The following NRG1 variants were observed in gnomAD, a reference collection of about 807,000 sequenced individuals.
The protein encoded by NRG1 is pro-neuregulin-1, membrane-bound isoform.
A neutral mutation model predicts 63.8 loss-of-function variants in NRG1; 18 were observed. The observed-to-expected ratio is 0.28, with a 90% CI of 0.19 to 0.42. NRG1 has a LOEUF of 0.42. NRG1 is among the 10% of genes least tolerant of loss of function. The pLI is 1.00. For synonymous variants in NRG1, 302 were observed against 301.3 expected (o/e 1.00, Z -0.02); for missense variants, 762 against 814.7 (o/e 0.94, Z 0.79).
chr8:31,639,335 G>GCGGGGA, exon 1 of NRG1: 2 of 1,530,864 alleles, frequency 1.3e-6, no homozygotes, highest in Non-Finnish European at 1.7e-6. Flanking sequence ...GAGGAGGCGC[G>GCGGGGA]CGGGGACGGG....
intron 1 of NRG1, among the ~76,000 whole-genome samples, chr8:32,091,007 C>T (rs535267221): frequency 2.2e-4 from 33 of 152,260 alleles, no homozygotes; most frequent in African/African-American, 6.0e-4. Flanking sequence ...GGGCCGGGCG[C>T]GGTGGCTCAC....
intron 1 of NRG1, among the ~76,000 whole-genome samples, chr8:32,362,087 A>G (rs948693774): frequency 7.8e-4 from 118 of 152,194 alleles, no homozygotes; most frequent in African/African-American, 2.7e-3. Context: ...CCTAGTTTAG[A>G]TGGAATCATA....
chr8:32,499,990 A>G (rs1295843481), intron 1 of NRG1, among the ~76,000 whole-genome samples: 2 of 152,222 alleles, frequency 1.3e-5, no homozygotes, highest in East Asian at 3.9e-4. Flanking sequence ...AAATATCTCA[A>G]TGATAATGAA....
chr8:32,484,840 A>T (rs2129493788), intron 1 of NRG1, among the ~76,000 whole-genome samples: 1 of 152,322 alleles, frequency 6.6e-6, no homozygotes, highest in Admixed American at 6.5e-5. Context: ...CTTAAAATTT[A>T]TATGAATTAA....
chr8:32,488,798 G>A (rs962816829), intron 1 of NRG1, among the ~76,000 whole-genome samples: 2 of 152,190 alleles, frequency 1.3e-5, no homozygotes, highest in African/African-American at 4.8e-5. Context: ...GAAATCTGTA[G>A]CATCTAGATC....
Position 31,918,979 on chromosome 8 carries a change from T to C in NRG1, c.37+279548T>C, listed in dbSNP as rs184590329. On this transcript the variant is annotated intron_variant, in intron 1 of 10. Coordinates refer to the NRG1 transcript ENST00000519301. ...TATCCATTTCTTCTAGATTTTCTAG[T>C]TTATTTGCATAGAGGTGTTTGTAGT... Among the ~76,000 whole-genome samples the C allele has an allele frequency of 4.9e-3, 741 of 152,304 alleles. 9 individuals carry two copies. The highest frequency in any genetic ancestry group is 0.017 in the African/African-American group (700 of 41,554).
chr8:32,426,659 A>G (rs1040201078), intron 1 of NRG1, among the ~76,000 whole-genome samples: 5 of 152,176 alleles, frequency 3.3e-5, no homozygotes, highest in African/African-American at 1.2e-4. Flanking sequence ...CACCCTACAC[A>G]CACACAATGC....
At chr8:32,095,005 T>C (rs1182764670) in intron 1 of NRG1, among the ~76,000 whole-genome samples, 3 of 151,400 alleles carry the variant, frequency 2.0e-5, no homozygotes, top group African/African-American at 7.3e-5. Flanking sequence ...TCTGTCTCCC[T>C]GGTTCAAGCG....
chr8:32,223,491 A>G (rs1295896330), intron 1 of NRG1, among the ~76,000 whole-genome samples: 1 of 152,142 alleles, frequency 6.6e-6, no homozygotes, highest in East Asian at 1.9e-4. Context: ...AACCCCTCTG[A>G]ACCTTGGTTT....
At chr8:32,741,848 G>A (rs1826381586) in intron 6 of NRG1, among the ~76,000 whole-genome samples, 160 bp from the exon 7 acceptor site, 1 of 152,098 alleles carries the variant, frequency 6.6e-6, no homozygotes, top group African/African-American at 2.4e-5. Flanking sequence ...CAGTTTTCGT[G>A]GGACATGGTT....
intron 1 of NRG1, among the ~76,000 whole-genome samples, chr8:32,151,974 C>G (rs888267976): frequency 6.6e-6 from 1 of 152,112 alleles, no homozygotes; most frequent in African/African-American, 2.4e-5. Flanking sequence ...TCTAGACATG[C>G]CTTATCAGTG....
chr8:32,306,463 A>G (rs1856193670), intron 1 of NRG1, among the ~76,000 whole-genome samples: 1 of 152,248 alleles, frequency 6.6e-6, no homozygotes, highest in Non-Finnish European at 1.5e-5. Context: ...ATAGTGAGTT[A>G]CCAGCTGGGT....
intron 1 of NRG1, among the ~76,000 whole-genome samples, chr8:31,889,372 G>A (rs558516489): frequency 6.6e-6 from 1 of 152,284 alleles, no homozygotes; most frequent in South Asian, 2.1e-4. Flanking sequence ...GAGACTTCAA[G>A]TTTGTGGACT....
intron 1 of NRG1, among the ~76,000 whole-genome samples, chr8:31,853,359 T>C (rs1427488702): frequency 2.0e-5 from 3 of 150,786 alleles, no homozygotes; most frequent in African/African-American, 4.9e-5. Flanking sequence ...AGGTATTTTA[T>C]TCTCTTTGAA....
At chr8:32,153,681 A>G (rs1837747179) in intron 1 of NRG1, among the ~76,000 whole-genome samples, 1 of 152,214 alleles carries the variant, frequency 6.6e-6, no homozygotes, top group African/African-American at 2.4e-5. Context: ...CTATGAAAGA[A>G]TCCTACTTAG....
intron 1 of NRG1, among the ~76,000 whole-genome samples, chr8:32,348,795 G>A (rs1805230011): frequency 6.6e-6 from 1 of 152,128 alleles, no homozygotes; most frequent in Non-Finnish European, 1.5e-5. Flanking sequence ...AAAAACAACT[G>A]TTTGAAAAGT....
chr8:31,653,028 C>G (rs1285578053), intron 1 of NRG1, among the ~76,000 whole-genome samples: 1 of 112,732 alleles, frequency 8.9e-6, no homozygotes, highest in Admixed American at 9.1e-5. Context: ...CCCTCCCCTT[C>G]TCTCCCCTCC....
Position 31,743,647 on chromosome 8 carries a change from C to A in NRG1, c.37+104216C>A, listed in dbSNP as rs557117428. On this transcript the variant is annotated intron_variant, in intron 1 of 10. Transcript: ENST00000519301. ...AATTATTACTTGACACCTACTTTTT[C>A]TTGTAAACAACAATTTATAGTAAAT... 9.6e-4 allele frequency among the ~76,000 whole-genome samples: 145 copies of A among 151,792 alleles called. 1 individual carries two copies. The highest frequency in any genetic ancestry group is 1.7e-3 in the Non-Finnish European group (114 of 67,858).
At chr8:32,338,117 T>A (rs1563330919) in intron 1 of NRG1, among the ~76,000 whole-genome samples, 1 of 152,202 alleles carries the variant, frequency 6.6e-6, no homozygotes, top group Non-Finnish European at 1.5e-5. Flanking sequence ...ATCATTGGAA[T>A]TACTCCTGCT....
Sources: gnomAD v4.1 joint callset for allele counts (sites outside exome capture counted in the v4.1 genomes callset) on GRCh38, gnomAD v4.1.1 for gene constraint, MANE v1.5 for transcripts, NCBI Gene and HGNC (gene_info 2026-07-23, HGNC 2026-07-21) for gene names.